Variants in AURKAIP1 observed in about 807,000 individuals in gnomAD.
AURKAIP1 encodes the protein aurora kinase A interacting protein 1, also known as small ribosomal subunit protein bS22, mitochondrial.
AURKAIP1 carries 20 observed loss-of-function variants against 18.4 expected under a neutral mutation model. The observed-to-expected ratio is 1.09, with a 90% confidence interval of 0.77 to 1.58. AURKAIP1 has a LOEUF of 1.58. Among genes scored for constraint, AURKAIP1 ranks in the 40% most tolerant of loss-of-function variants. AURKAIP1 has a pLI of 0.00. For synonymous variants in AURKAIP1, 156 were observed against 120.8 expected (o/e 1.29, Z -1.91); for missense variants, 319 against 270.7 (o/e 1.18, Z -1.25).
In AURKAIP1 at chr1:1,374,143, CGCCTTCATCCCCCTGCTCG is replaced by C. The variant is rs1379830256; in HGVS notation, c.336_354del (p.Glu113SerfsTer13). On this transcript the variant is annotated frameshift_variant, in exon 3 of 4. Coordinates refer to ENST00000338338, the MANE Select transcript of AURKAIP1 (RefSeq NM_017900.3). LOFTEE classifies it high-confidence loss of function. ...CACTGAATTTGAGGCGCATCCGCGACGCCTTCATCCCCCTGCTCGGCCCCTTCCCCTATCTGGCTGGGCG... is the reference window on the plus strand; with the variant it reads ...CACTGAATTTGAGGCGCATCCGCGACGCCCCTTCCCCTATCTGGCTGGGCG... 6.2e-7 allele frequency: 1 copy of C among 1,613,892 alleles called. No homozygotes were observed. The highest frequency in any genetic ancestry group is 1.7e-5 in the Admixed American group (1 of 60,018).
chr1:1,374,531 G>C, intron 2 of AURKAIP1, 86 bp from the exon 3 acceptor site: 1 of 1,363,606 alleles, frequency 7.3e-7, no homozygotes, highest in Non-Finnish European at 9.8e-7. Flanking sequence ...TCCCAGCGAG[G>C]ATCCCCCGCA....
In AURKAIP1 at chr1:1,373,913, C is replaced by T. The variant is rs570806773; in HGVS notation, c.499-11G>A. 5.0e-5 allele frequency: 81 copies of T among 1,609,214 alleles called. 1 individual carries two copies. In the South Asian group the frequency reaches 7.9e-4, roughly 16 times the overall value. On this transcript the variant is annotated splice_polypyrimidine_tract_variant and intron_variant, in intron 3 of 3. Coordinates refer to ENST00000338338, the MANE Select transcript of AURKAIP1 (RefSeq NM_017900.3). ...TTTCTCGAACTTGATCTGCAAGACG[C>T]AGAGAGAGGGACCGCCAAGTAATTC...
rs1397882548 is a variant in AURKAIP1 at position 1,374,696 on chromosome 1, G to T, written c.52+9C>A. On this transcript the variant is annotated intron_variant, in intron 2 of 3. Transcript: ENST00000338338. ...GCATCCTCCCATCCGCCCCCGCGCGGCTTCCTACCTGCCCAAGGAACGGCC... is the reference window on the plus strand; with the variant it reads ...GCATCCTCCCATCCGCCCCCGCGCGTCTTCCTACCTGCCCAAGGAACGGCC... 1 of 1,556,824 alleles carries T rather than the reference G, an allele frequency of 6.4e-7. No individual in the cohort carries two copies. The highest frequency in any genetic ancestry group is 8.7e-7 in the Non-Finnish European group (1 of 1,150,404).
In AURKAIP1 at chr1:1,374,426, G is replaced by T. The variant is rs776103208; in HGVS notation, c.72C>A (p.Pro24=). The change falls in exon 3 of 4, where the codon CCC becomes CCA. Residue 24 remains proline, a synonymous_variant. Coordinates refer to ENST00000338338, the MANE Select transcript of AURKAIP1 (RefSeq NM_017900.3). The part of the protein sequence containing the change: ...VPWAGGRPPW[P]VSGVLGSRVC... The stretch of plus-strand genomic sequence containing the variant: ...CCCGGCTGCCCAGCACTCCAGAGAC[G>T]GGCCAAGGCGGGCGGCCGCCTGCAG... The T allele has an allele frequency of 6.9e-7, 1 of 1,450,990 alleles. No homozygotes were observed. Among genetic ancestry groups the T allele is most frequent in the Non-Finnish European group, 9.0e-7 (1 of 1,107,522 alleles). 89.9% of individuals were successfully genotyped at this position (1,450,990 alleles called of 1,614,324 possible).
intron 2 of AURKAIP1, 40 bp from the exon 3 acceptor site, chr1:1,374,485 C>G: frequency 7.0e-7 from 1 of 1,430,468 alleles, no homozygotes; most frequent in Non-Finnish European, 9.2e-7. Flanking sequence ...CTCGCGAGAC[C>G]ACACAGGCCC....
chr1:1,374,277 A>AG lies in AURKAIP1; in HGVS notation c.220dup (p.Leu74ProfsTer44). On this transcript the variant is annotated frameshift_variant, in exon 3 of 4. Transcript: ENST00000338338. LOFTEE classifies it high-confidence loss of function. The stretch of plus-strand genomic sequence containing the variant: ...GCAGCGGGCCGTGAGCCAGCTCTCC[A>AG]GGGGGCTGACGGACATCTTCCTGGG... 1 of 1,599,738 alleles carries AG rather than the reference A, an allele frequency of 6.3e-7. No homozygotes were observed.
rs1237377510 is a variant in AURKAIP1, at chr1:1,373,806, T to C, written c.595A>G (p.Lys199Glu). Residue 199 changes from lysine (K) to glutamate (E), a missense_variant, in exon 4 of 4, where the codon AAA (lysine) becomes GAA (glutamate). Lys to Glu is a moderately conservative substitution (Grantham distance 56). Coordinates refer to ENST00000338338, the MANE Select transcript of AURKAIP1 (RefSeq NM_017900.3). The part of the protein sequence containing the change: ...WQTPKIYLRG[K>E] Reference sequence around the variant, plus strand: ...CGGGAAGGGCGGCGCCAGACTCATTTGCCCCGCAGGTAGATCTTGGGGGTC... The same window carrying C: ...CGGGAAGGGCGGCGCCAGACTCATTCGCCCCGCAGGTAGATCTTGGGGGTC... The C allele has an allele frequency of 1.6e-5, 25 of 1,598,972 alleles. No individual in the cohort carries two copies. The highest frequency in any genetic ancestry group is 1.9e-5 in the Non-Finnish European group (23 of 1,179,504).
At position 1,374,426 on chromosome 1, in the gene AURKAIP1, G is replaced by C. The variant is rs776103208; in HGVS notation, c.72C>G (p.Pro24=). The C allele has an allele frequency of 2.1e-5, 31 of 1,450,872 alleles. No homozygotes were observed. The highest frequency in any genetic ancestry group is 2.6e-5 in the Non-Finnish European group (29 of 1,107,530). The allele number at this position is 1,450,872 out of a possible 1,614,324, so 89.9% of individuals were successfully genotyped here. ...CCCGGCTGCCCAGCACTCCAGAGACGGGCCAAGGCGGGCGGCCGCCTGCAG... is the reference window on the plus strand; with the variant it reads ...CCCGGCTGCCCAGCACTCCAGAGACCGGCCAAGGCGGGCGGCCGCCTGCAG... ...VPWAGGRPPW[P]VSGVLGSRVC... Residue 24 remains proline, a synonymous_variant, in exon 3 of 4, where the codon CCC becomes CCG. Transcript: ENST00000338338.
chr1:1,374,183 G>A lies in AURKAIP1; in HGVS notation c.315C>T (p.Pro105=). 1.2e-6 allele frequency: 2 copies of A among 1,613,822 alleles called. No individual in the cohort carries two copies. The highest frequency in any genetic ancestry group is 8.5e-7 in the Non-Finnish European group (1 of 1,180,040). ...VAPPQSYQCP[P]SQIGEGAEQG... ...GCTCGGCCCCTTCCCCTATCTGGCT[G>A]GGCGGACACTGGTAGGATTGCGGTG... Residue 105 remains proline (P), a synonymous_variant, in exon 3 of 4, where the codon CCC becomes CCT. Transcript: ENST00000338338.
chr1:1,374,672 C>T (rs1353230596), intron 2 of AURKAIP1, 33 bp downstream of exon 2: 12 of 1,550,734 alleles, frequency 7.7e-6, no homozygotes, highest in Middle Eastern at 1.7e-4. Flanking sequence ...ACCAGGTGTG[C>T]ATCCTCCCAT....
chr1:1,374,989 G>C, intron 1 of AURKAIP1, 165 bp downstream of exon 1: 1 of 496,524 alleles, frequency 2.0e-6, no homozygotes, highest in East Asian at 3.8e-5. Context: ...TGTCGCGCTC[G>C]GACGCACCGA....
In AURKAIP1 at chr1:1,374,082, T is replaced by C. The variant is rs1644321143; in HGVS notation, c.416A>G (p.Asn139Ser). The C allele has an allele frequency of 6.2e-7, 1 of 1,610,590 alleles. No homozygotes were observed. Among genetic ancestry groups the C allele is most frequent in the Non-Finnish European group, 8.5e-7 (1 of 1,177,908 alleles). Residue 139 changes from asparagine (N) to serine (S), a missense_variant, in exon 3 of 4, where the codon AAC (asparagine) becomes AGC (serine). Coordinates refer to ENST00000338338, the MANE Select transcript of AURKAIP1 (RefSeq NM_017900.3). The stretch of plus-strand genomic sequence containing the variant: ...CACCAGCTTCCGGTACTTGTGGTGG[T>C]TCATCTTCCGCCGGCGGATCTTCAG... ...NVLKIRRRKMNHHKYRKLVKK... is the reference protein window; with the variant it reads ...NVLKIRRRKMSHHKYRKLVKK...
At chr1:1,374,857 G>GGGGCGTCTGGTCCCGCCGCGACCCTC in intron 1 of AURKAIP1, 67 bp from the exon 2 acceptor site, 1 of 1,102,808 alleles carries the variant, frequency 9.1e-7, no homozygotes, top group South Asian at 1.6e-5. Flanking sequence ...GGCCGGGACT[G>GGGGCGTCTGGTCCCGCCGCGACCCTC]GGGCGTCTGG....
intron 2 of AURKAIP1, 110 bp from the exon 3 acceptor site, chr1:1,374,555 C>T: frequency 2.2e-6 from 3 of 1,367,244 alleles, no homozygotes; most frequent in Non-Finnish European, 3.0e-6. Context: ...CATTCCTGGC[C>T]TGAACCCCTG....
chr1:1,374,377 A>C lies in AURKAIP1; in HGVS notation c.121T>G (p.Ser41Ala). 1 of 1,509,058 alleles carries C rather than the reference A, an allele frequency of 6.6e-7. No homozygotes were observed. Among genetic ancestry groups the C allele is most frequent in the Non-Finnish European group, 8.8e-7 (1 of 1,134,220 alleles). The allele number at this position is 1,509,058 out of a possible 1,614,324, so 93.5% of individuals were successfully genotyped here. A position where few individuals can be genotyped will look rare whatever the true frequency, so the allele number is the denominator to read the frequency against. The stretch of plus-strand genomic sequence containing the variant: ...GCCGCCCTACCTGGGCCGGCCGGCG[A>C]TGTGCTGTAAAGGGGCCCGCAGACC... ...SRVCGPLYSTSPAGPGRAASL... is the reference protein window; with the variant it reads ...SRVCGPLYSTAPAGPGRAASL... Residue 41 changes from serine to alanine, a missense_variant, in exon 3 of 4, where the codon TCG (serine) becomes GCG (alanine). Physicochemically the swap from Ser to Ala is moderately conservative, Grantham distance 99. Transcript: ENST00000338338.
rs746921964 is a variant in AURKAIP1 at position 1,373,793 on chromosome 1, C to T, written c.*8G>A. On this transcript the variant is annotated 3_prime_UTR_variant, in exon 4 of 4. Coordinates refer to ENST00000338338, the MANE Select transcript of AURKAIP1 (RefSeq NM_017900.3). ...CAGCAGCAACGGGCGGGAAGGGCGG[C>T]GCCAGACTCATTTGCCCCGCAGGTA... 2 of 1,595,284 alleles carry T rather than the reference C, an allele frequency of 1.3e-6. No homozygotes were observed. Among genetic ancestry groups the T allele is most frequent in the Admixed American group, 1.7e-5 (1 of 59,340 alleles).
chr1:1,374,182 T>G lies in AURKAIP1; in HGVS notation c.316A>C (p.Ser106Arg). Residue 106 changes from serine (S) to arginine (R), a missense_variant, in exon 3 of 4, where the codon AGC (serine) becomes CGC (arginine). Transcript: ENST00000338338. Reference protein sequence around the residue: ...APPQSYQCPPSQIGEGAEQGD... With the variant: ...APPQSYQCPPRQIGEGAEQGD... ...TGCTCGGCCCCTTCCCCTATCTGGCTGGGCGGACACTGGTAGGATTGCGGT... is the reference window on the plus strand; with the variant it reads ...TGCTCGGCCCCTTCCCCTATCTGGCGGGGCGGACACTGGTAGGATTGCGGT... 6.2e-7 allele frequency: 1 copy of G among 1,613,766 alleles called. No individual in the cohort carries two copies. The highest frequency in any genetic ancestry group is 2.2e-5 in the East Asian group (1 of 44,904).
At chr1:1,374,587 G>C (rs1037423069) in intron 2 of AURKAIP1, 118 bp downstream of exon 2, 24 of 1,391,584 alleles carry the variant, frequency 1.7e-5, no homozygotes, top group Non-Finnish European at 2.2e-5. Flanking sequence ...GTGAGCATCG[G>C]AAGCTTAGAG....
In AURKAIP1 at chr1:1,373,871, CA is replaced by C. The variant is rs753038022; in HGVS notation, c.529del (p.Trp177GlyfsTer2). On this transcript the variant is annotated frameshift_variant, in exon 4 of 4. Coordinates refer to ENST00000338338, the MANE Select transcript of AURKAIP1 (RefSeq NM_017900.3). LOFTEE classifies it high-confidence loss of function. ...IKFEKDLRRI[W>X]LKAGLKEAPE... ...GGCTTCCTTTAGCCCCGCCTTCAGC[CA>C]GATGCGCCTCAGGTCTTTCTCGAAC... The C allele has an allele frequency of 1.2e-6, 2 of 1,608,028 alleles. No homozygotes were observed. The highest frequency in any genetic ancestry group is 1.7e-6 in the Non-Finnish European group (2 of 1,180,018).
Sources: allele counts gnomAD v4.1 joint callset, GRCh38; gene constraint gnomAD v4.1.1; transcripts MANE v1.5; gene names NCBI Gene and HGNC (gene_info 2026-07-23, HGNC 2026-07-21).